Variants in SNRNP48 observed in about 807,000 individuals in gnomAD.
The protein encoded by SNRNP48 is U11/U12 small nuclear ribonucleoprotein 48 kDa protein.
A neutral mutation model predicts 47.0 loss-of-function variants in SNRNP48; 43 were observed. The observed-to-expected ratio is 0.92, with a 90% CI of 0.72 to 1.18. The LOEUF (loss-of-function observed/expected upper bound fraction) is 1.18. Ranked by LOEUF, SNRNP48 falls within the 50% of genes most tolerant of loss-of-function variation. SNRNP48 has a pLI of 0.00. For missense variants in SNRNP48, 396 were observed against 422.2 expected, an observed-to-expected ratio of 0.94 and a Z score of 0.54; for synonymous variants, 138 against 144.0, an observed-to-expected ratio of 0.96 and a Z score of 0.30.
At chr6:7,597,810 T>A (rs1759929588) in intron 4 of SNRNP48, among the ~76,000 whole-genome samples, 1 of 152,046 alleles carries the variant, frequency 6.6e-6, no homozygotes, top group African/African-American at 2.4e-5. Flanking sequence ...TAAGAGGAAC[T>A]TTAATTTTGA....
At chr6:7,602,851 G>T in intron 6 of SNRNP48, 107 bp downstream of exon 6, 1 of 1,028,062 alleles carries the variant, frequency 9.7e-7, no homozygotes, top group East Asian at 2.7e-5. Flanking sequence ...AGTGTCTTCA[G>T]GGTGGCCACA....
Position 7,610,201 on chromosome 6 carries a change from A to C in SNRNP48, c.*1328A>C, listed in dbSNP as rs181389875. On this transcript the variant is annotated 3_prime_UTR_variant, in exon 9 of 9. Transcript: ENST00000342415. ...TGAATACTGGAAACTCAGGTTAAAG[A>C]TTTTGTTTCCAAGTAGAAATGAAAT... 5 of 152,294 alleles carry C rather than the reference A, an allele frequency of 3.3e-5. No homozygotes were observed. Among genetic ancestry groups the C allele is most frequent in the Admixed American group, 3.3e-4 (5 of 15,294 alleles). 9.4% of individuals were successfully genotyped at this position (152,294 alleles called of 1,614,324 possible). A position where few individuals can be genotyped will look rare whatever the true frequency, so the allele number is the denominator to read the frequency against.
intron 6 of SNRNP48, among the ~76,000 whole-genome samples, chr6:7,603,050 C>T (rs1366996703): frequency 1.3e-5 from 2 of 152,130 alleles, no homozygotes. Flanking sequence ...TTTGATTCTG[C>T]TGTTTCTCAT....
chr6:7,590,441 C>G, intron 1 of SNRNP48, 28 bp downstream of exon 1: 1 of 1,277,162 alleles, frequency 7.8e-7, no homozygotes, highest in Middle Eastern at 2.1e-4. Flanking sequence ...GGGGCCCTTT[C>G]GGGGACTATC....
intron 4 of SNRNP48, chr6:7,599,693 A>G (rs1487878007): frequency 2.3e-6 from 3 of 1,285,230 alleles, no homozygotes; most frequent in Non-Finnish European, 1.0e-6. Flanking sequence ...GAGTATAAAG[A>G]GGAATTAGGA....
chr6:7,602,019 A>G (rs1581838051), intron 5 of SNRNP48, among the ~76,000 whole-genome samples: 1 of 152,056 alleles, frequency 6.6e-6, no homozygotes, highest in East Asian at 1.9e-4. Flanking sequence ...ACACCTGGCT[A>G]CTTTTTGTAT....
chr6:7,606,216 T>C, intron 8 of SNRNP48, 21 bp downstream of exon 8: 1 of 1,582,952 alleles, frequency 6.3e-7, no homozygotes, highest in Non-Finnish European at 8.5e-7. Flanking sequence ...CCCTGCATCA[T>C]CCAACGTTGA....
At chr6:7,606,794 T>C (rs1332126085) in intron 8 of SNRNP48, among the ~76,000 whole-genome samples, 1 of 152,232 alleles carries the variant, frequency 6.6e-6, no homozygotes, top group Non-Finnish European at 1.5e-5. Context: ...TTTTTCTCAA[T>C]CTGCTCCTCT....
At chr6:7,604,337 TG>T (rs1760086851) in intron 6 of SNRNP48, among the ~76,000 whole-genome samples, 1 of 152,196 alleles carries the variant, frequency 6.6e-6, no homozygotes, top group Non-Finnish European at 1.5e-5. Context: ...ATTTTCCGGG[TG>T]GAAGAACTAG....
intron 4 of SNRNP48, among the ~76,000 whole-genome samples, chr6:7,597,521 T>C (rs1369552585): frequency 6.6e-6 from 1 of 151,634 alleles, no homozygotes; most frequent in Non-Finnish European, 1.5e-5. Context: ...AAAACTCTCA[T>C]AGAGTTGTTG....
Position 7,605,378 on chromosome 6 carries a change from C to A in SNRNP48, c.718-20C>A, listed in dbSNP as rs1332587261. On this transcript the variant is annotated intron_variant, in intron 6 of 8. Coordinates refer to ENST00000342415, the MANE Select transcript of SNRNP48 (RefSeq NM_152551.4). ...TTGAGCAGTTTTCTTACCTGAAGTT[C>A]GGTGCTTACCTCTCCCAAGGTGATT... 6.2e-7 allele frequency: 1 copy of A among 1,605,504 alleles called. No individual in the cohort carries two copies. The highest frequency in any genetic ancestry group is 8.5e-7 in the Non-Finnish European group (1 of 1,173,928).
At position 7,590,204 on chromosome 6, in the gene SNRNP48, C is replaced by T. The variant is rs1489956784; in HGVS notation, c.-54C>T. 3.2e-6 allele frequency: 4 copies of T among 1,263,806 alleles called. No individual in the cohort carries two copies. Among genetic ancestry groups the T allele is most frequent in the Non-Finnish European group, 4.0e-6 (4 of 996,926 alleles). 78.3% of individuals were successfully genotyped at this position (1,263,806 alleles called of 1,614,324 possible). ...GGCCCCGCCCACAGCTCCCAGAGGC[C>T]TGCGCGTGCGGTCTGCAGTTCGGCC... On this transcript the variant is annotated 5_prime_UTR_variant, in exon 1 of 9. Coordinates refer to ENST00000342415, the MANE Select transcript of SNRNP48 (RefSeq NM_152551.4).
At chr6:7,598,401 A>G (rs745855774) in intron 4 of SNRNP48, among the ~76,000 whole-genome samples, 3 of 152,044 alleles carry the variant, frequency 2.0e-5, no homozygotes, top group Non-Finnish European at 2.9e-5. Flanking sequence ...AGGCTGAGGC[A>G]GGAGAATCAC....
At position 7,610,816 on chromosome 6, in the gene SNRNP48, G is replaced by A. The variant is rs1031282257; in HGVS notation, c.*1943G>A. 7 of 152,200 alleles carry A rather than the reference G, an allele frequency of 4.6e-5. No individual in the cohort carries two copies. Among genetic ancestry groups the A allele is most frequent in the Admixed American group, 2.0e-4 (3 of 15,276 alleles). 9.4% of individuals were successfully genotyped at this position (152,200 alleles called of 1,614,324 possible). A position where few individuals can be genotyped will look rare whatever the true frequency, so the allele number is the denominator to read the frequency against. On this transcript the variant is annotated 3_prime_UTR_variant, in exon 9 of 9. Coordinates refer to ENST00000342415, the MANE Select transcript of SNRNP48 (RefSeq NM_152551.4). ...TGATCCTTGAACGAATTAATCTCAC[G>A]TACTTCCCTGTTTGTGGTTTGAGCC...
chr6:7,603,697 CTG>C (rs1760073500), intron 6 of SNRNP48, among the ~76,000 whole-genome samples: 1 of 152,174 alleles, frequency 6.6e-6, no homozygotes, highest in Non-Finnish European at 1.5e-5. Context: ...TACTAATACT[CTG>C]TACCACACAG....
chr6:7,597,469 TTAA>T (rs1468238058), intron 4 of SNRNP48, among the ~76,000 whole-genome samples: 2 of 152,228 alleles, frequency 1.3e-5, no homozygotes, highest in African/African-American at 4.8e-5. Context: ...TGGCCATATA[TTAA>T]TGATGATAAC....
intron 6 of SNRNP48, among the ~76,000 whole-genome samples, chr6:7,603,279 T>C (rs929384466): frequency 1.3e-5 from 2 of 152,216 alleles, no homozygotes; most frequent in Non-Finnish European, 2.9e-5. Context: ...TGTCTTGATA[T>C]ACATTATTTA....
At chr6:7,594,909 T>TA in intron 3 of SNRNP48, 118 bp from the exon 4 acceptor site, 3 of 755,780 alleles carry the variant, frequency 4.0e-6, no homozygotes, top group Non-Finnish European at 6.4e-6. Flanking sequence ...GGATGTTTCT[T>TA]AAGATTCTGG....
chr6:7,590,668 C>T (rs1465502899), intron 1 of SNRNP48, among the ~76,000 whole-genome samples: 1 of 152,212 alleles, frequency 6.6e-6, no homozygotes, highest in Non-Finnish European at 1.5e-5. Context: ...GCTCCTCCCG[C>T]GCAACTTCGA....
Sources: gnomAD v4.1 joint callset for allele counts (sites outside exome capture counted in the v4.1 genomes callset) on GRCh38, gnomAD v4.1.1 for gene constraint, MANE v1.5 for transcripts, NCBI Gene and HGNC (gene_info 2026-07-23, HGNC 2026-07-21) for gene names.